CNBD1: variants seen among roughly 807,000 people sequenced by gnomAD.
CNBD1 encodes cyclic nucleotide binding domain containing 1.
In CNBD1, 71 loss-of-function variants were observed where a neutral mutation model predicts 54.4. That is an observed-to-expected ratio of 1.30 (90% confidence interval 1.08 to 1.59). The LOEUF is 1.59. Among genes scored for constraint, CNBD1 ranks in the 40% most tolerant of loss-of-function variants. CNBD1 has a pLI of 0.00. For missense variants in CNBD1, 659 were observed against 518.0 expected (o/e 1.27, Z -2.64); for synonymous variants, 182 against 170.7 (o/e 1.07, Z -0.51).
intron 6 of CNBD1, among the ~76,000 whole-genome samples, chr8:87,281,169 G>A (rs756192188): frequency 6.6e-6 from 1 of 151,388 alleles, no homozygotes; most frequent in Non-Finnish European, 1.5e-5. Context: ...TATTTTTAAA[G>A]GTATCAAAAC....
chr8:87,147,465 T>C (rs1420411492), intron 4 of CNBD1, among the ~76,000 whole-genome samples: 1 of 152,066 alleles, frequency 6.6e-6, no homozygotes, highest in Non-Finnish European at 1.5e-5. Flanking sequence ...TTTGTTAATG[T>C]GATTGCTTAT....
At chr8:87,083,253 G>A (rs1586244132) in intron 4 of CNBD1, among the ~76,000 whole-genome samples, 1 of 152,134 alleles carries the variant, frequency 6.6e-6, no homozygotes, top group East Asian at 1.9e-4. Flanking sequence ...GAACAAATTT[G>A]CACCTGTATA....
At chr8:87,218,100 G>T (rs1436915875) in intron 5 of CNBD1, among the ~76,000 whole-genome samples, 1 of 152,002 alleles carries the variant, frequency 6.6e-6, no homozygotes, top group East Asian at 1.9e-4. Flanking sequence ...ACTTTCTTCA[G>T]GCATGTGGGG....
At chr8:87,206,887 G>A (rs914903727) in intron 5 of CNBD1, among the ~76,000 whole-genome samples, 3 of 152,120 alleles carry the variant, frequency 2.0e-5, no homozygotes, top group African/African-American at 7.2e-5. Flanking sequence ...GCTTAGAATC[G>A]AGTTTCAAAC....
rs144571030 is a variant in CNBD1 at position 86,920,010 on chromosome 8, GAAA to G, written c.272+14824_272+14826del. ...TATGTTTCTTTTTCTTTCAGAATGT[GAAA>G]AAAAAAAGTCACCAAACTGTAACTT... On this transcript the variant is annotated intron_variant, in intron 3 of 10. Coordinates refer to ENST00000518476, the MANE Select transcript of CNBD1 (RefSeq NM_173538.3). Among the ~76,000 whole-genome samples, 9 of 147,178 alleles carry G rather than the reference GAAA, an allele frequency of 6.1e-5. No homozygotes were observed. In the East Asian group the frequency reaches 1.6e-3, roughly 26 times the overall value.
intron 2 of CNBD1, among the ~76,000 whole-genome samples, chr8:87,388,689 C>T (rs1329897403): frequency 6.6e-6 from 1 of 152,154 alleles, no homozygotes; most frequent in Non-Finnish European, 1.5e-5. Context: ...GGAGCTGGTA[C>T]CATTCCTTCT....
rs558840236 is a variant in CNBD1, at chr8:86,887,535, T to G, written c.89-7T>G. The stretch of plus-strand genomic sequence containing the variant: ...ATTACTCAAATTTTTAATTGATTTT[T>G]TTTCAGACTTGAAAAAGTCTAAGCA... On this transcript the variant is annotated splice_region_variant and splice_polypyrimidine_tract_variant and intron_variant, in intron 1 of 10. Transcript: ENST00000518476. 1 of 1,539,464 alleles carries G rather than the reference T, an allele frequency of 6.5e-7. No homozygotes were observed. The highest frequency in any genetic ancestry group is 1.2e-5 in the South Asian group (1 of 81,710).
intron 2 of CNBD1, among the ~76,000 whole-genome samples, chr8:87,425,517 TTG>T (rs1350679460): frequency 6.6e-6 from 1 of 152,138 alleles, no homozygotes; most frequent in African/African-American, 2.4e-5. Flanking sequence ...TCCTTTCTGT[TTG>T]TTAGTTTTCC....
intron 4 of CNBD1, among the ~76,000 whole-genome samples, chr8:87,013,119 A>G (rs973419021): frequency 1.3e-4 from 20 of 152,226 alleles, no homozygotes; most frequent in Non-Finnish European, 2.4e-4. Context: ...GCTAAGGTAC[A>G]AGCAGGGGCC....
intron 8 of CNBD1, among the ~76,000 whole-genome samples, chr8:87,343,011 G>A (rs939410112): frequency 6.6e-5 from 10 of 152,102 alleles, no homozygotes; most frequent in Admixed American, 5.2e-4. Flanking sequence ...GCATAAGACA[G>A]ACACTCCCAG....
At chr8:87,376,997 T>C (rs942431691) in intron 10 of CNBD1, among the ~76,000 whole-genome samples, 5 of 150,638 alleles carry the variant, frequency 3.3e-5, no homozygotes, top group African/African-American at 1.2e-4. Context: ...GTGTTGATAT[T>C]TGTTTGTTAA....
chr8:87,383,056 A>G (rs1296550213), downstream of CNBD1, among the ~76,000 whole-genome samples: 1 of 152,024 alleles, frequency 6.6e-6, no homozygotes, highest in Non-Finnish European at 1.5e-5. Context: ...AAAAATCTAT[A>G]AAGCATATGT....
intron 8 of CNBD1, among the ~76,000 whole-genome samples, chr8:87,344,751 T>A (rs995415819): frequency 1.3e-5 from 2 of 152,156 alleles, no homozygotes; most frequent in Non-Finnish European, 2.9e-5. Context: ...AGTGAGTGAA[T>A]GCGTTGCATG....
chr8:87,259,898 C>A (rs1808101374), intron 6 of CNBD1, among the ~76,000 whole-genome samples: 1 of 152,102 alleles, frequency 6.6e-6, no homozygotes, highest in African/African-American at 2.4e-5. Flanking sequence ...TTTAGATAGG[C>A]CAAATGGCTG....
chr8:87,056,914 A>C (rs1045594218), intron 4 of CNBD1, among the ~76,000 whole-genome samples: 1 of 152,210 alleles, frequency 6.6e-6, no homozygotes, highest in Non-Finnish European at 1.5e-5. Context: ...AATTCTAAGA[A>C]AGCCCTCATG....
At chr8:87,196,771 A>G (rs1386156723) in intron 4 of CNBD1, among the ~76,000 whole-genome samples, 1 of 152,206 alleles carries the variant, frequency 6.6e-6, no homozygotes, top group Non-Finnish European at 1.5e-5. Flanking sequence ...CTGGGAGAGG[A>G]AAGAGAAGAA....
At chr8:87,372,311 G>T (rs1457951729) in intron 10 of CNBD1, among the ~76,000 whole-genome samples, 3 of 151,866 alleles carry the variant, frequency 2.0e-5, no homozygotes, top group African/African-American at 4.8e-5. Flanking sequence ...ATTTATGATG[G>T]GCCCTGTTGT....
Position 87,178,429 on chromosome 8 carries a change from C to CA in CNBD1, c.432-27559dup, listed in dbSNP as rs1813244019. ...TTTGAAGCAGACAAAATTGGAAATG[C>CA]AAAAATCCCAAGTCGAGAGTTTGCT... is the stretch of plus-strand genomic sequence containing the variant. On this transcript the variant is annotated intron_variant, in intron 4 of 10. Coordinates refer to ENST00000518476, the MANE Select transcript of CNBD1 (RefSeq NM_173538.3). Among the ~76,000 whole-genome samples the CA allele has an allele frequency of 3.9e-5, 6 of 152,202 alleles. No homozygotes were observed. In the South Asian group the frequency reaches 1.2e-3, roughly 32 times the overall value.
intron 4 of CNBD1, among the ~76,000 whole-genome samples, chr8:87,141,620 A>G (rs1323967651): frequency 6.6e-6 from 1 of 151,830 alleles, no homozygotes; most frequent in African/African-American, 2.4e-5. Context: ...TTTGGTCTCT[A>G]TGTGTAATAT....
Sources: gnomAD v4.1 joint callset for allele counts (sites outside exome capture counted in the v4.1 genomes callset) on GRCh38, gnomAD v4.1.1 for gene constraint, MANE v1.5 for transcripts, NCBI Gene and HGNC (gene_info 2026-07-23, HGNC 2026-07-21) for gene names.